Variants in EYA2 observed in about 807,000 individuals in gnomAD.
The protein encoded by EYA2 is EYA transcriptional coactivator and phosphatase 2.
Under a neutral mutation model 69.2 loss-of-function variants are expected in EYA2, and 31 were observed. The observed-to-expected ratio is 0.45, with a 90% CI of 0.34 to 0.60. The LOEUF (loss-of-function observed/expected upper bound fraction) is 0.60. Among genes scored for constraint, EYA2 ranks in the 20% least tolerant of loss-of-function variants. The pLI, the probability that EYA2 is intolerant of heterozygous loss-of-function variation, is 0.02. For missense variants in EYA2, 622 were observed against 701.2 expected (o/e 0.89, Z 1.28); for synonymous variants, 257 against 279.4 (o/e 0.92, Z 0.80).
At chr20:46,917,602 A>G (rs534976012) in intron 1 of EYA2, among the ~76,000 whole-genome samples, 2 of 152,352 alleles carry the variant, frequency 1.3e-5, no homozygotes, top group East Asian at 3.9e-4. Flanking sequence ...GAACGCCACA[A>G]TAAAGCCAAT....
chr20:47,063,156 C>T (rs1366832119), intron 5 of EYA2, among the ~76,000 whole-genome samples: 1 of 152,126 alleles, frequency 6.6e-6, no homozygotes, highest in Non-Finnish European at 1.5e-5. Context: ...TCACCACCTC[C>T]AATTCCAACA....
At chr20:47,156,125 C>CAT (rs2033936119) in intron 10 of EYA2, among the ~76,000 whole-genome samples, 2 of 22,122 alleles carry the variant, frequency 9.0e-5, no homozygotes, top group East Asian at 1.8e-3. Context: ...CACACACACA[C>CAT]ACATATATAT....
chr20:47,051,094 T>A (rs2030306107), intron 5 of EYA2, among the ~76,000 whole-genome samples: 1 of 152,296 alleles, frequency 6.6e-6, no homozygotes, highest in South Asian at 2.1e-4. Context: ...ACTCTGTCGC[T>A]AACCAGATGT....
chr20:47,161,610 C>G (rs1431240843), intron 10 of EYA2: 5 of 248,212 alleles, frequency 2.0e-5, no homozygotes, highest in Non-Finnish European at 4.0e-5. Context: ...CTGTCCGCGG[C>G]TATGACCCCA....
chr20:47,132,040 C>G (rs953443074), intron 9 of EYA2, among the ~76,000 whole-genome samples: 14 of 152,174 alleles, frequency 9.2e-5, no homozygotes, highest in African/African-American at 3.1e-4. Flanking sequence ...AATCATAGTT[C>G]ACTGTCACCT....
At chr20:46,988,373 A>G (rs974346195) in intron 1 of EYA2, among the ~76,000 whole-genome samples, 1 of 152,014 alleles carries the variant, frequency 6.6e-6, no homozygotes, top group South Asian at 2.1e-4. Context: ...AGATGAGAAA[A>G]CTTTTGACTT....
At chr20:46,955,342 G>T (rs1979057851) in intron 1 of EYA2, among the ~76,000 whole-genome samples, 1 of 152,138 alleles carries the variant, frequency 6.6e-6, no homozygotes, top group Admixed American at 6.5e-5. Context: ...CTGTGTGTCA[G>T]CCAGGCCTCA....
chr20:46,982,174 A>G (rs1980874313), intron 1 of EYA2, among the ~76,000 whole-genome samples: 1 of 152,018 alleles, frequency 6.6e-6, no homozygotes, highest in South Asian at 2.1e-4. Flanking sequence ...AGGTTTACTG[A>G]TGGGAAACAA....
At chr20:47,042,403 C>G (rs1249280973) in intron 5 of EYA2, among the ~76,000 whole-genome samples, 1 of 152,212 alleles carries the variant, frequency 6.6e-6, no homozygotes, top group African/African-American at 2.4e-5. Flanking sequence ...TGTATCATCA[C>G]TGGTGGTTTC....
chr20:47,070,186 A>T (rs976653438), intron 5 of EYA2, among the ~76,000 whole-genome samples: 1 of 152,250 alleles, frequency 6.6e-6, no homozygotes, highest in African/African-American at 2.4e-5. Context: ...TAACAGTAAT[A>T]AGAGGCCAAA....
At chr20:47,136,895 A>C (rs1238406208) in intron 9 of EYA2, among the ~76,000 whole-genome samples, 2 of 152,202 alleles carry the variant, frequency 1.3e-5, no homozygotes, top group Non-Finnish European at 2.9e-5. Context: ...CCACACCATC[A>C]TAAAAACTGA....
In EYA2 at chr20:47,144,167, C is replaced by A. The variant is rs921767221; in HGVS notation, c.978+1019C>A. On this transcript the variant is annotated intron_variant, in intron 10 of 15. Coordinates refer to ENST00000327619, the MANE Select transcript of EYA2 (RefSeq NM_005244.5). ...GGTCAGGAGATCGAGACCATCCTGG[C>A]TAACATGGCGAAACCCCGTCTCTAC... Among the ~76,000 whole-genome samples the A allele has an allele frequency of 3.9e-5, 6 of 152,148 alleles. No homozygotes were observed. In the East Asian group the frequency reaches 9.6e-4, roughly 24 times the overall value.
intron 5 of EYA2, among the ~76,000 whole-genome samples, chr20:47,022,737 T>C (rs973099601): frequency 1.2e-4 from 17 of 136,226 alleles, no homozygotes; most frequent in African/African-American, 4.4e-4. Context: ...CACTGCAACC[T>C]CTGCCTCCTG....
intron 8 of EYA2, among the ~76,000 whole-genome samples, chr20:47,090,190 C>G (rs765044192): frequency 1.3e-5 from 2 of 151,198 alleles, no homozygotes; most frequent in African/African-American, 4.9e-5. Flanking sequence ...TTCCTGTGTG[C>G]AGCTCAGGCT....
Position 47,043,721 on chromosome 20 carries a change from G to A in EYA2, c.415+27424G>A, listed in dbSNP as rs144940275. ...TTGTGAGGATTAAATAAGTTAATAC[G>A]TATAAAGCTCACAGAAACTTTCCTG... On this transcript the variant is annotated intron_variant, in intron 5 of 15. Coordinates refer to ENST00000327619, the MANE Select transcript of EYA2 (RefSeq NM_005244.5). 3.7e-3 allele frequency among the ~76,000 whole-genome samples: 558 copies of A among 152,218 alleles called. 2 individuals carry two copies. Among genetic ancestry groups the A allele is most frequent in the African/African-American group, 0.012 (503 of 41,504 alleles).
chr20:47,037,872 C>T (rs6090610), intron 5 of EYA2, among the ~76,000 whole-genome samples: 1 of 152,104 alleles, frequency 6.6e-6, no homozygotes, highest in Non-Finnish European at 1.5e-5. Flanking sequence ...CACATGTAAC[C>T]TAAATATCCA....
intron 10 of EYA2, among the ~76,000 whole-genome samples, chr20:47,160,504 G>A (rs1380333392): frequency 3.9e-5 from 6 of 152,086 alleles, no homozygotes; most frequent in East Asian, 3.9e-4. Context: ...GGGGCGGTGC[G>A]GGCAGTGGAG....
intron 5 of EYA2, among the ~76,000 whole-genome samples, chr20:47,016,630 A>G (rs1037123470): frequency 1.3e-5 from 2 of 152,220 alleles, no homozygotes; most frequent in Non-Finnish European, 2.9e-5. Flanking sequence ...TCACCAGGGA[A>G]GGCTCTTTGA....
intron 4 of EYA2, among the ~76,000 whole-genome samples, chr20:47,012,150 T>G (rs1244916486): frequency 6.6e-6 from 1 of 152,246 alleles, no homozygotes; most frequent in African/African-American, 2.4e-5. Context: ...TTATTGGCTG[T>G]CTGTTGTTGA....
Sources: gnomAD v4.1 joint callset for allele counts (sites outside exome capture counted in the v4.1 genomes callset) on GRCh38, gnomAD v4.1.1 for gene constraint, MANE v1.5 for transcripts, NCBI Gene and HGNC (gene_info 2026-07-23, HGNC 2026-07-21) for gene names.